Variants in DNAI4 observed in about 807,000 individuals in gnomAD.
DNAI4 encodes dynein axonemal intermediate chain 4.
In DNAI4, 85 loss-of-function variants were observed where a neutral mutation model predicts 105.8. That is an observed-to-expected ratio of 0.80 (90% CI 0.67 to 0.96). DNAI4 has a LOEUF of 0.96. Ranked by LOEUF, DNAI4 falls within the 40% of genes least tolerant of loss-of-function variation. The pLI is 0.00. For synonymous variants in DNAI4, 352 were observed against 331.5 expected (o/e 1.06, Z -0.67); for missense variants, 1,014 against 1,005.6 (o/e 1.01, Z -0.11).
intron 7 of DNAI4, among the ~76,000 whole-genome samples, chr1:66,849,188 T>C (rs1228368527): frequency 6.6e-6 from 1 of 152,208 alleles, no homozygotes; most frequent in Non-Finnish European, 1.5e-5. Context: ...TCCCCAGCAG[T>C]AATGAGAACA....
chr1:66,888,137 A>G (rs935119851), intron 4 of DNAI4, among the ~76,000 whole-genome samples: 1 of 152,146 alleles, frequency 6.6e-6, no homozygotes, highest in African/African-American at 2.4e-5. Flanking sequence ...AATGCTGCAA[A>G]TAAATGTTTC....
At chr1:66,852,835 T>C (rs1338912055) in intron 7 of DNAI4, among the ~76,000 whole-genome samples, 1 of 152,130 alleles carries the variant, frequency 6.6e-6, no homozygotes, top group Non-Finnish European at 1.5e-5. Flanking sequence ...CCCTCATGAA[T>C]GAGATTAGTG....
chr1:66,846,072 T>C (rs1409331210), intron 8 of DNAI4, among the ~76,000 whole-genome samples: 2 of 152,172 alleles, frequency 1.3e-5, no homozygotes, highest in East Asian at 3.8e-4. Context: ...ATTTCTTAGA[T>C]GTGTTGAAAG....
intron 6 of DNAI4, 83 bp downstream of exon 6, chr1:66,871,287 T>A (rs1646839912): frequency 1.5e-6 from 2 of 1,291,368 alleles, no homozygotes; most frequent in Non-Finnish European, 2.1e-6. Flanking sequence ...CTTTATACAT[T>A]TCAATATTCA....
chr1:66,833,482 G>A (rs1192138158), intron 13 of DNAI4, 103 bp downstream of exon 13: 3 of 1,306,488 alleles, frequency 2.3e-6, no homozygotes, highest in African/African-American at 3.0e-5. Flanking sequence ...ATTAGGCACA[G>A]TATTCATTAA....
intron 1 of DNAI4, among the ~76,000 whole-genome samples, chr1:66,908,919 T>C (rs1371028748): frequency 6.6e-6 from 1 of 152,236 alleles, no homozygotes; most frequent in Non-Finnish European, 1.5e-5. Flanking sequence ...AACTTCTTCA[T>C]ACTCCCACTG....
In DNAI4 at chr1:66,920,366, C is replaced by T. The variant is rs575411956; in HGVS notation, c.170+4296G>A. On this transcript the variant is annotated intron_variant, in intron 1 of 16. Coordinates refer to ENST00000371026, the MANE Select transcript of DNAI4 (RefSeq NM_024763.5). ...ACCAGCTTCAACTCTCATGCGACCT[C>T]ATTCCTCCTGGACACTGGACAAGAA... is the stretch of plus-strand genomic sequence containing the variant. 5.3e-5 allele frequency among the ~76,000 whole-genome samples: 8 copies of T among 152,314 alleles called. No individual in the cohort carries two copies. The South Asian group carries it at 1.7e-3, about 32-fold the overall frequency.
At chr1:66,885,833 T>G (rs984172171) in intron 4 of DNAI4, among the ~76,000 whole-genome samples, 2 of 152,218 alleles carry the variant, frequency 1.3e-5, no homozygotes, top group Non-Finnish European at 2.9e-5. Flanking sequence ...ATTCCTAGGT[T>G]TTGTGTTTTT....
chr1:66,911,807 T>C (rs1334337482), intron 1 of DNAI4, among the ~76,000 whole-genome samples: 1 of 147,362 alleles, frequency 6.8e-6, no homozygotes, highest in Non-Finnish European at 1.5e-5. Context: ...CTGCCTTCCA[T>C]TCTATTCAAA....
In DNAI4 at chr1:66,924,785, C is replaced by A. The variant is rs1886686; in HGVS notation, c.47G>T (p.Gly16Val). 3 of 1,614,096 alleles carry A rather than the reference C, an allele frequency of 1.9e-6. No individual in the cohort carries two copies. Among genetic ancestry groups the A allele is most frequent in the East Asian group, 2.2e-5 (1 of 44,850 alleles). Residue 16 changes from glycine (G) to valine (V), a missense_variant, in exon 1 of 17, where the codon GGA becomes GTA. By Grantham distance (109) the Gly-to-Val change is moderately radical (BLOSUM62 -3). Transcript: ENST00000371026. ...HSGASARAAN[G>V]GAWGYRDFRG... is the part of the protein sequence containing the mutation. ...GAAGTCCCTGTACCCCCAAGCTCCTCCGTTAGCGGCTCGGGCCGAGGCTCC... is the reference window on the plus strand; with the variant it reads ...GAAGTCCCTGTACCCCCAAGCTCCTACGTTAGCGGCTCGGGCCGAGGCTCC...
intron 3 of DNAI4, 124 bp downstream of exon 3, chr1:66,893,103 AAG>A (rs1491236066): frequency 4.3e-6 from 2 of 461,114 alleles, no homozygotes; most frequent in Non-Finnish European, 7.3e-6. Context: ...GAAAGAAAGA[AAG>A]AAAGAAAGAA....
At chr1:66,818,391 G>A (rs2100301506) in intron 16 of DNAI4, among the ~76,000 whole-genome samples, 1 of 151,972 alleles carries the variant, frequency 6.6e-6, no homozygotes, top group Non-Finnish European at 1.5e-5. Flanking sequence ...ATTTATAAAT[G>A]AGATTTAAAA....
chr1:66,879,404 A>C (rs540556973), intron 4 of DNAI4, among the ~76,000 whole-genome samples: 1 of 152,328 alleles, frequency 6.6e-6, no homozygotes, highest in South Asian at 2.1e-4. Context: ...TTATATGGAC[A>C]TGCTATTGTT....
At chr1:66,867,642 G>C (rs1646760381) in intron 6 of DNAI4, among the ~76,000 whole-genome samples, 1 of 151,806 alleles carries the variant, frequency 6.6e-6, no homozygotes. Context: ...TTCTGTGGAG[G>C]GACACGTCAG....
intron 13 of DNAI4, among the ~76,000 whole-genome samples, chr1:66,831,439 A>G (rs7548267): frequency 0.4 from 61,145 of 152,038 alleles, 12,771 homozygotes; most frequent in South Asian, 0.5. Flanking sequence ...GTAGTAAACA[A>G]CAATCAAATA....
At chr1:66,872,727 A>G (rs1646873292) in intron 5 of DNAI4, among the ~76,000 whole-genome samples, 1 of 151,738 alleles carries the variant, frequency 6.6e-6, no homozygotes, top group Admixed American at 6.6e-5. Context: ...CTATTTATTT[A>G]TTTATACATA....
chr1:66,875,502 A>C (rs532389584), intron 4 of DNAI4, among the ~76,000 whole-genome samples: 10 of 152,274 alleles, frequency 6.6e-5, no homozygotes, highest in Admixed American at 6.5e-4. Context: ...TAATAGAGTG[A>C]AAATAATTGG....
At chr1:66,823,571 T>C (rs1645681928) in intron 15 of DNAI4, among the ~76,000 whole-genome samples, 1 of 148,320 alleles carries the variant, frequency 6.7e-6, no homozygotes, top group South Asian at 2.3e-4. Context: ...CCAGCACCTG[T>C]TGTTTCCTGA....
chr1:66,847,372 C>G, intron 8 of DNAI4, 112 bp downstream of exon 8: 1 of 1,000,720 alleles, frequency 1.0e-6, no homozygotes, highest in Non-Finnish European at 1.5e-6. Context: ...TAGCTTGCTA[C>G]AACCTTGAAC....
Sources: allele counts gnomAD v4.1 joint callset (sites outside exome capture counted in the v4.1 genomes callset), GRCh38; gene constraint gnomAD v4.1.1; transcripts MANE v1.5; gene names NCBI Gene and HGNC (gene_info 2026-07-23, HGNC 2026-07-21).